The following SGCZ variants were observed in gnomAD, a reference collection of about 807,000 sequenced individuals.
SGCZ encodes the protein zeta-sarcoglycan.
Under a neutral mutation model 41.3 loss-of-function variants are expected in SGCZ, and 40 were observed. The ratio of observed to expected loss-of-function variants is 0.97; its 90% CI spans 0.75 to 1.26. SGCZ has a LOEUF of 1.26. Ranked by LOEUF, SGCZ falls within the 50% of genes most tolerant of loss-of-function variation. SGCZ has a pLI of 0.00. For missense variants in SGCZ, 552 were observed against 369.8 expected, an observed-to-expected ratio of 1.49 and a Z score of -4.04; for synonymous variants, 206 against 137.5, an observed-to-expected ratio of 1.50 and a Z score of -3.49.
chr8:14,588,523 A>C (rs1482329977), intron 1 of SGCZ, among the ~76,000 whole-genome samples: 1 of 152,196 alleles, frequency 6.6e-6, no homozygotes, highest in African/African-American at 2.4e-5. Flanking sequence ...AGAACATTTT[A>C]TGTGATTCAA....
chr8:14,684,099 G>A (rs902964978), intron 1 of SGCZ, among the ~76,000 whole-genome samples: 1 of 152,026 alleles, frequency 6.6e-6, no homozygotes, highest in African/African-American at 2.4e-5. Flanking sequence ...TATAAATTAT[G>A]TACTTTTCCA....
intron 3 of SGCZ, among the ~76,000 whole-genome samples, chr8:14,274,796 A>T (rs548939429): frequency 1.3e-5 from 2 of 152,062 alleles, no homozygotes; most frequent in African/African-American, 4.8e-5. Flanking sequence ...AAGAAACACT[A>T]TTATCAAAAT....
At chr8:14,772,834 A>C (rs1296703175) in intron 1 of SGCZ, among the ~76,000 whole-genome samples, 1 of 151,902 alleles carries the variant, frequency 6.6e-6, no homozygotes, top group Non-Finnish European at 1.5e-5. Flanking sequence ...TCATTGTTGG[A>C]CATTTGGGTT....
chr8:14,806,003 G>A (rs1021437822), intron 1 of SGCZ, among the ~76,000 whole-genome samples: 8 of 150,866 alleles, frequency 5.3e-5, no homozygotes, highest in African/African-American at 2.0e-4. Flanking sequence ...CGAAATGAAG[G>A]CAGAAATAAA....
intron 1 of SGCZ, among the ~76,000 whole-genome samples, chr8:14,729,756 C>T (rs942562426): frequency 1.3e-5 from 2 of 152,176 alleles, no homozygotes; most frequent in African/African-American, 4.8e-5. Context: ...ATCTGCAAAA[C>T]AGTGCTACAA....
At chr8:14,851,185 T>C (rs60538515) in intron 1 of SGCZ, among the ~76,000 whole-genome samples, 4,876 of 151,642 alleles carry the variant, frequency 0.032, 180 homozygotes, top group African/African-American at 0.093. Context: ...CTGGCTAACA[T>C]AGTGAAACGC....
rs1218991121 is a variant in SGCZ at position 14,612,260 on chromosome 8, TCTC to T, written c.40-57337_40-57335del. Among the ~76,000 whole-genome samples, 2 of 152,126 alleles carry T rather than the reference TCTC, an allele frequency of 1.3e-5. 1 individual carries two copies. Among genetic ancestry groups the T allele is most frequent in the East Asian group, 3.9e-4 (2 of 5,176 alleles). On this transcript the variant is annotated intron_variant, in intron 1 of 7. Transcript: ENST00000382080. Reference sequence around the variant, plus strand: ...CCAGGTGATTGGATCATGGGGTCAGTCTCCTCCATGCTGTTCTCATGATAGTGA... The same window carrying T: ...CCAGGTGATTGGATCATGGGGTCAGTCTCCATGCTGTTCTCATGATAGTGA...
rs535752473 is a variant in SGCZ at position 14,464,203 on chromosome 8, T to G, written c.234+90529A>C. ...TGAGAAGAATTGATGTTAGTTATTCTTTAAATTTTGGGTAGAATCCACTGG... is the reference window on the plus strand; with the variant it reads ...TGAGAAGAATTGATGTTAGTTATTCGTTAAATTTTGGGTAGAATCCACTGG... On this transcript the variant is annotated intron_variant, in intron 2 of 7. Coordinates refer to ENST00000382080, the MANE Select transcript of SGCZ (RefSeq NM_139167.4). 8.6e-5 allele frequency among the ~76,000 whole-genome samples: 13 copies of G among 151,798 alleles called. No individual in the cohort carries two copies. In the South Asian group the frequency reaches 2.7e-3, roughly 31 times the overall value.
At chr8:14,941,825 A>T (rs913838334) in intron 1 of SGCZ, among the ~76,000 whole-genome samples, 16 of 151,508 alleles carry the variant, frequency 1.1e-4, no homozygotes, top group African/African-American at 3.6e-4. Context: ...TATGTTACAT[A>T]TATTGCATGT....
chr8:14,201,043 A>T (rs1469780482), intron 4 of SGCZ, among the ~76,000 whole-genome samples: 1 of 152,176 alleles, frequency 6.6e-6, no homozygotes, highest in Non-Finnish European at 1.5e-5. Context: ...AAAGATGCTC[A>T]ATATAGCTAG....
At chr8:14,470,394 T>A (rs186701886) in intron 2 of SGCZ, among the ~76,000 whole-genome samples, 1 of 152,286 alleles carries the variant, frequency 6.6e-6, no homozygotes, top group Admixed American at 6.5e-5. Context: ...TATAATTTAT[T>A]CATCTCTATG....
chr8:15,025,248 A>G (rs983578806), intron 1 of SGCZ, among the ~76,000 whole-genome samples: 2 of 152,214 alleles, frequency 1.3e-5, no homozygotes, highest in Non-Finnish European at 2.9e-5. Flanking sequence ...AGGTTCAATC[A>G]TTCCTGCTAC....
At chr8:14,550,723 C>T (rs2117176372) in intron 2 of SGCZ, among the ~76,000 whole-genome samples, 1 of 152,106 alleles carries the variant, frequency 6.6e-6, no homozygotes, top group Non-Finnish European at 1.5e-5. Flanking sequence ...ACCTTGCCAT[C>T]AATTCTTCCC....
chr8:14,604,770 C>T (rs1805695898), intron 1 of SGCZ, among the ~76,000 whole-genome samples: 1 of 152,072 alleles, frequency 6.6e-6, no homozygotes, highest in Non-Finnish European at 1.5e-5. Flanking sequence ...TTTGATGTGA[C>T]TGCTGATATC....
intron 1 of SGCZ, among the ~76,000 whole-genome samples, chr8:15,210,672 C>G (rs1276031335): frequency 6.6e-6 from 1 of 152,004 alleles, no homozygotes. Context: ...ATCCAATACT[C>G]CCTCATGATC....
At chr8:14,241,554 G>T (rs570698222) in intron 3 of SGCZ, among the ~76,000 whole-genome samples, 101 of 145,562 alleles carry the variant, frequency 6.9e-4, no homozygotes, top group African/African-American at 2.5e-3. Flanking sequence ...TTTTTTTTTG[G>T]AAAAAGAAAA....
chr8:14,468,242 T>C (rs967611391), intron 2 of SGCZ, among the ~76,000 whole-genome samples: 3 of 152,050 alleles, frequency 2.0e-5, no homozygotes, highest in Non-Finnish European at 4.4e-5. Flanking sequence ...ACAGATTGGG[T>C]GATAGGCATC....
intron 2 of SGCZ, among the ~76,000 whole-genome samples, chr8:14,482,845 C>T (rs541344526): frequency 6.6e-6 from 1 of 151,912 alleles, no homozygotes; most frequent in African/African-American, 2.4e-5. Context: ...ATTGTCACTT[C>T]TCATTCTCAG....
chr8:14,557,975 A>C (rs894734848), intron 1 of SGCZ, among the ~76,000 whole-genome samples: 2 of 152,118 alleles, frequency 1.3e-5, no homozygotes, highest in Non-Finnish European at 2.9e-5. Context: ...TTAGAAATGA[A>C]ATGGGAGACA....
Sources: allele counts gnomAD v4.1 joint callset (sites outside exome capture counted in the v4.1 genomes callset), GRCh38; gene constraint gnomAD v4.1.1; transcripts MANE v1.5; gene names NCBI Gene and HGNC (gene_info 2026-07-23, HGNC 2026-07-21).